The following CCDC15 variants were observed in gnomAD, a reference collection of about 807,000 sequenced individuals.
The protein encoded by CCDC15 is coiled-coil domain-containing protein 15.
A neutral mutation model predicts 114.5 loss-of-function variants in CCDC15; 105 were observed. That is an observed-to-expected ratio of 0.92 (90% CI 0.78 to 1.08). The LOEUF (loss-of-function observed/expected upper bound fraction) is 1.08, where lower values mean the gene tolerates loss of function less well. Among genes scored for constraint, CCDC15 ranks in the 50% least tolerant of loss-of-function variants. CCDC15 has a pLI of 0.00. For synonymous variants in CCDC15, 334 were observed against 377.8 expected (o/e 0.88, Z 1.34); for missense variants, 1,105 against 1,093.6 (o/e 1.01, Z -0.15).
chr11:125,003,776 CA>C (rs1408301965), intron 11 of CCDC15, 90 bp from the exon 12 acceptor site: 10 of 693,320 alleles, frequency 1.4e-5, no homozygotes, highest in Non-Finnish European at 2.4e-5. Context: ...CCCAAGTTTG[CA>C]AAAGAAAAGA....
chr11:125,012,374 T>A lies in CCDC15; in HGVS notation c.2411+7162T>A, dbSNP rs116137237. ...CTGCATTTATTCAGAAAACATTTAT[T>A]TTTTATCTTCCATATCATAGGCACT... On this transcript the variant is annotated intron_variant, in intron 13 of 15. Coordinates refer to ENST00000344762, the MANE Select transcript of CCDC15 (RefSeq NM_025004.3). Among the ~76,000 whole-genome samples the A allele has an allele frequency of 6.0e-3, 909 of 152,360 alleles. 12 individuals are homozygous for A. The highest frequency in any genetic ancestry group is 0.021 in the African/African-American group (868 of 41,576).
chr11:124,958,978 A>T, intron 2 of CCDC15, 137 bp from the exon 3 acceptor site: 1 of 537,098 alleles, frequency 1.9e-6, no homozygotes, highest in Admixed American at 4.3e-5. Context: ...ATACTCATAC[A>T]TTCCATTTTT....
intron 8 of CCDC15, among the ~76,000 whole-genome samples, chr11:124,988,606 G>A (rs1190884371): frequency 6.6e-6 from 1 of 152,134 alleles, no homozygotes; most frequent in Admixed American, 6.5e-5. Context: ...TTTCTCTGTA[G>A]CATGTGATAA....
At position 124,986,711 on chromosome 11, in the gene CCDC15, G is replaced by A. The variant is rs753690576; in HGVS notation, c.754-31G>A. On this transcript the variant is annotated intron_variant, in intron 6 of 15. Coordinates refer to ENST00000344762, the MANE Select transcript of CCDC15 (RefSeq NM_025004.3). Reference sequence around the variant, plus strand: ...TGTGTTTGTGTGTGTGCGCGCGCGCGCGTGCGCGTTTTCATTGTTTTTTTC... The same window carrying A: ...TGTGTTTGTGTGTGTGCGCGCGCGCACGTGCGCGTTTTCATTGTTTTTTTC... 28 of 1,456,786 alleles carry A rather than the reference G, an allele frequency of 1.9e-5. 2 individuals carry two copies. In the South Asian group the frequency reaches 1.9e-4, roughly 10 times the overall value. 90.2% of individuals were successfully genotyped at this position (1,456,786 alleles called of 1,614,324 possible).
rs370197049 is a variant in CCDC15, at chr11:124,986,803, G to A, written c.815G>A (p.Gly272Glu). Residue 272 changes from glycine to glutamate, a missense_variant, in exon 7 of 16, where the codon GGG becomes GAG. By Grantham distance (98) the Gly-to-Glu change is moderately conservative. Transcript: ENST00000344762. ...ESSSLVTDEK[G>E]KEDLFGRGQQ... ...TCATCTCTTGTAACTGATGAGAAAG[G>A]GAAAGAAGATTTGTTTGGGAGAGGC... The A allele has an allele frequency of 1.9e-6, 3 of 1,553,306 alleles. No homozygotes were observed. The highest frequency in any genetic ancestry group is 2.4e-5 in the South Asian group (2 of 84,094).
At chr11:125,009,283 G>A (rs1292684949) in intron 13 of CCDC15, among the ~76,000 whole-genome samples, 1 of 151,864 alleles carries the variant, frequency 6.6e-6, no homozygotes, top group Non-Finnish European at 1.5e-5. Context: ...TTCATCAGAT[G>A]TTATTGACAT....
rs114603369 is a variant in CCDC15, at chr11:125,031,246, C to T, written c.2412-7185C>T. Among the ~76,000 whole-genome samples, 692 of 152,322 alleles carry T rather than the reference C, an allele frequency of 4.5e-3. 5 individuals carry two copies. Among genetic ancestry groups the T allele is most frequent in the African/African-American group, 0.016 (657 of 41,562 alleles). ...CCACTTTCGGGTGATGCCTGCATAT[C>T]GTGCAGAACCATCTGTGAACCAGGC... On this transcript the variant is annotated intron_variant, in intron 13 of 15. Transcript: ENST00000344762.
At chr11:124,991,995 T>A (rs1948278135) in intron 9 of CCDC15, among the ~76,000 whole-genome samples, 1 of 152,202 alleles carries the variant, frequency 6.6e-6, no homozygotes, top group Non-Finnish European at 1.5e-5. Flanking sequence ...GAATACAGTA[T>A]TTTTTATTCC....
chr11:125,031,515 T>C (rs1227109791), intron 13 of CCDC15, among the ~76,000 whole-genome samples: 2 of 152,226 alleles, frequency 1.3e-5, no homozygotes, highest in Non-Finnish European at 2.9e-5. Context: ...AAGCACCCAC[T>C]TCATGATAGG....
chr11:125,032,471 G>T (rs4936970), intron 13 of CCDC15, among the ~76,000 whole-genome samples: 30,878 of 152,124 alleles, frequency 0.2, 3,736 homozygotes, highest in African/African-American at 0.34. Flanking sequence ...ATAATCCACT[G>T]TCATTCTCTA....
intron 13 of CCDC15, among the ~76,000 whole-genome samples, chr11:125,005,821 C>T (rs780905487): frequency 7.2e-5 from 11 of 152,124 alleles, no homozygotes; most frequent in Non-Finnish European, 1.6e-4. Context: ...ATGTATGCAA[C>T]CTTTTTAGAT....
intron 13 of CCDC15, among the ~76,000 whole-genome samples, chr11:125,010,380 G>GTT (rs545300682): frequency 5.9e-5 from 8 of 134,702 alleles, no homozygotes; most frequent in Admixed American, 7.4e-5. Flanking sequence ...TTTGCCTGGT[G>GTT]TTTTTTTTTT....
At chr11:124,964,264 C>T (rs1275404671) in intron 4 of CCDC15, among the ~76,000 whole-genome samples, 4 of 152,142 alleles carry the variant, frequency 2.6e-5, no homozygotes, top group African/African-American at 9.7e-5. Context: ...TTGATTCTTC[C>T]TGTCCATGAG....
chr11:124,973,752 C>G (rs1327037178), intron 4 of CCDC15, among the ~76,000 whole-genome samples: 2 of 151,894 alleles, frequency 1.3e-5, no homozygotes, highest in African/African-American at 4.8e-5. Context: ...CTACCTCAGC[C>G]TCTTGAGTAA....
chr11:125,001,716 A>G (rs911999547), intron 11 of CCDC15, among the ~76,000 whole-genome samples: 20 of 152,222 alleles, frequency 1.3e-4, no homozygotes, highest in African/African-American at 4.6e-4. Flanking sequence ...CCATTGATGT[A>G]GCATATAGCA....
intron 13 of CCDC15, among the ~76,000 whole-genome samples, chr11:125,031,538 C>T (rs1361074659): frequency 1.3e-5 from 2 of 152,178 alleles, no homozygotes. Context: ...GTTCAGGTTG[C>T]ATGATAACTT....
rs571417219 is a variant in CCDC15 at position 124,963,146 on chromosome 11, G to C, written c.516+3143G>C. Among the ~76,000 whole-genome samples the C allele has an allele frequency of 1.8e-4, 28 of 152,142 alleles. No homozygotes were observed. The South Asian group carries it at 5.2e-3, about 28-fold the overall frequency. ...TAGTAGCATGATTTATAATCCTTTGGGTATATACCAAGTAATGAGATGGCT... is the reference window on the plus strand; with the variant it reads ...TAGTAGCATGATTTATAATCCTTTGCGTATATACCAAGTAATGAGATGGCT... On this transcript the variant is annotated intron_variant, in intron 4 of 15. Transcript: ENST00000344762.
intron 15 of CCDC15, 90 bp downstream of exon 15, chr11:125,039,159 G>A (rs1565386035): frequency 4.0e-6 from 5 of 1,239,554 alleles, no homozygotes; most frequent in Non-Finnish European, 5.5e-6. Flanking sequence ...TTTATTGAGT[G>A]CTTACTATGT....
At chr11:125,037,165 T>C (rs1390518211) in intron 13 of CCDC15, among the ~76,000 whole-genome samples, 2 of 133,800 alleles carry the variant, frequency 1.5e-5, no homozygotes, top group African/African-American at 6.0e-5. Context: ...GGTTTTGGTA[T>C]ACAGTCAAGT....
Sources: allele counts gnomAD v4.1 joint callset (sites outside exome capture counted in the v4.1 genomes callset), GRCh38; gene constraint gnomAD v4.1.1; transcripts MANE v1.5; gene names NCBI Gene and HGNC (gene_info 2026-07-23, HGNC 2026-07-21).